EPHA4: variants seen among roughly 807,000 people sequenced by gnomAD.
The protein encoded by EPHA4 is EPH receptor A4.
EPHA4 carries 19 observed loss-of-function variants against 108.3 expected under a neutral mutation model. The observed-to-expected ratio is 0.18, with a 90% CI of 0.12 to 0.26. EPHA4 has a LOEUF of 0.26. Ranked by LOEUF, EPHA4 falls within the 10% of genes least tolerant of loss-of-function variation. The pLI is 1.00. For missense variants in EPHA4, 917 were observed against 1,254.0 expected, an observed-to-expected ratio of 0.73 and a Z score of 4.06; for synonymous variants, 449 against 455.5, an observed-to-expected ratio of 0.99 and a Z score of 0.18.
intron 2 of EPHA4, among the ~76,000 whole-genome samples, chr2:221,566,869 A>G (rs958590351): frequency 3.1e-4 from 22 of 70,446 alleles, no homozygotes; most frequent in African/African-American, 1.3e-3. Flanking sequence ...GAAGAAGAAG[A>G]AGAAGAAGGA....
intron 9 of EPHA4, among the ~76,000 whole-genome samples, chr2:221,444,663 T>TC (rs1236297542): frequency 6.6e-6 from 1 of 150,850 alleles, no homozygotes; most frequent in Non-Finnish European, 1.5e-5. Context: ...ACACTTCATA[T>TC]CCCTCATCAC....
chr2:221,443,649 A>G, intron 9 of EPHA4, 43 bp from the exon 10 acceptor site: 2 of 1,402,188 alleles, frequency 1.4e-6, no homozygotes, highest in Non-Finnish European at 2.0e-6. Context: ...CTTCTAAGGA[A>G]CCACTAATAA....
intron 4 of EPHA4, among the ~76,000 whole-genome samples, chr2:221,487,510 A>C (rs1042248031): frequency 6.6e-6 from 1 of 152,240 alleles, no homozygotes; most frequent in Non-Finnish European, 1.5e-5. Context: ...GGAAAACTTT[A>C]TCTCTGAAGA....
upstream of EPHA4, chr2:221,574,095 G>A (rs1694929785): frequency 6.6e-6 from 1 of 152,242 alleles, no homozygotes; most frequent in African/African-American, 2.4e-5. Flanking sequence ...CTCCGCAGCA[G>A]ATCGTGTTTT....
chr2:221,542,769 C>T (rs907019678), intron 3 of EPHA4, among the ~76,000 whole-genome samples: 2 of 152,142 alleles, frequency 1.3e-5, no homozygotes, highest in African/African-American at 2.4e-5. Context: ...ATACATAACC[C>T]TTTATGTTAA....
intron 4 of EPHA4, among the ~76,000 whole-genome samples, chr2:221,485,080 G>A (rs932768414): frequency 2.0e-5 from 3 of 152,182 alleles, no homozygotes; most frequent in African/African-American, 7.2e-5. Context: ...AAATAAGAGT[G>A]ACTCTGAAAT....
intron 3 of EPHA4, among the ~76,000 whole-genome samples, chr2:221,539,415 C>T (rs577693182): frequency 1.3e-5 from 2 of 152,128 alleles, no homozygotes; most frequent in East Asian, 3.9e-4. Context: ...GCATAAGTGA[C>T]ATGAAGGAAC....
chr2:221,464,202 G>T (rs1341586967), intron 5 of EPHA4, among the ~76,000 whole-genome samples: 1 of 151,924 alleles, frequency 6.6e-6, no homozygotes, highest in Non-Finnish European at 1.5e-5. Context: ...TTACTCAAGG[G>T]GTCTTTCATT....
chr2:221,442,786 A>T (rs1438932636), intron 11 of EPHA4, 43 bp downstream of exon 11: 2 of 1,596,994 alleles, frequency 1.3e-6, no homozygotes, highest in East Asian at 4.5e-5. Flanking sequence ...TTAATTTCCC[A>T]GTAACTTCTA....
intron 17 of EPHA4, chr2:221,421,966 C>T (rs1181110731): frequency 6.6e-6 from 1 of 151,710 alleles, no homozygotes; most frequent in Non-Finnish European, 1.5e-5. Flanking sequence ...CTGGCCAGGT[C>T]TTGTAGCTCA....
intron 5 of EPHA4, among the ~76,000 whole-genome samples, chr2:221,463,070 A>G (rs904919466): frequency 6.6e-6 from 1 of 152,212 alleles, no homozygotes; most frequent in African/African-American, 2.4e-5. Flanking sequence ...TAGTTACTAC[A>G]TATGCAACAG....
intron 4 of EPHA4, among the ~76,000 whole-genome samples, chr2:221,494,189 A>G (rs10498114): frequency 0.099 from 15,003 of 152,312 alleles, 943 homozygotes; most frequent in East Asian, 0.15. Flanking sequence ...AACAGTGCTC[A>G]GAAGTCAAGG....
chr2:221,567,413 G>C (rs1694700618), intron 2 of EPHA4, among the ~76,000 whole-genome samples: 1 of 152,164 alleles, frequency 6.6e-6, no homozygotes, highest in South Asian at 2.1e-4. Flanking sequence ...CACATTCAAA[G>C]GATGAGGGCA....
At position 221,566,938 on chromosome 2, in the gene EPHA4, G is replaced by A. The variant is rs7586729; in HGVS notation, c.159+1780C>T. Among the ~76,000 whole-genome samples, 44 of 11,794 alleles carry A rather than the reference G, an allele frequency of 3.7e-3. 13 individuals carry two copies. Among genetic ancestry groups the A allele is most frequent in the African/African-American group, 0.014 (28 of 2,052 alleles). 7.7% of individuals were successfully genotyped at this position (11,794 alleles called of 152,430 possible). ...GGAGAAGGAGAAGGAGAAGGAGAAGGAGAAGGAGAAGGAGAAGGGGAAGAG... is the reference window on the plus strand; with the variant it reads ...GGAGAAGGAGAAGGAGAAGGAGAAGAAGAAGGAGAAGGAGAAGGGGAAGAG... On this transcript the variant is annotated intron_variant, in intron 2 of 17. Coordinates refer to ENST00000281821, the MANE Select transcript of EPHA4 (RefSeq NM_004438.5).
At chr2:221,500,887 G>T in intron 4 of EPHA4, 130 bp downstream of exon 4, 1 of 1,057,908 alleles carries the variant, frequency 9.5e-7, no homozygotes, top group Non-Finnish European at 1.3e-6. Flanking sequence ...TGCTATGATT[G>T]AGAAAGGATG....
intron 13 of EPHA4, among the ~76,000 whole-genome samples, chr2:221,435,166 G>T: frequency 6.6e-6 from 1 of 152,100 alleles, no homozygotes; most frequent in East Asian, 1.9e-4. Flanking sequence ...AAATTGTACT[G>T]GAAATTGCTT....
chr2:221,471,802 T>C (rs1006436171), intron 5 of EPHA4, among the ~76,000 whole-genome samples: 2 of 152,206 alleles, frequency 1.3e-5, no homozygotes, highest in African/African-American at 4.8e-5. Context: ...TTCTGTCCAC[T>C]GTTCATGGCT....
intron 3 of EPHA4, among the ~76,000 whole-genome samples, chr2:221,540,455 C>G (rs1425104813): frequency 1.3e-5 from 2 of 152,152 alleles, no homozygotes; most frequent in African/African-American, 4.8e-5. Flanking sequence ...TCAAATACGC[C>G]AGTTTTGATC....
chr2:221,436,885 G>A (rs763958627), intron 12 of EPHA4, among the ~76,000 whole-genome samples, 176 bp downstream of exon 12: 8 of 152,060 alleles, frequency 5.3e-5, no homozygotes, highest in Non-Finnish European at 8.8e-5. Context: ...AACTACCCTC[G>A]TTGAACATGG....
Sources: gnomAD v4.1 joint callset for allele counts (sites outside exome capture counted in the v4.1 genomes callset) on GRCh38, gnomAD v4.1.1 for gene constraint, MANE v1.5 for transcripts, NCBI Gene and HGNC (gene_info 2026-07-23, HGNC 2026-07-21) for gene names.